Variants in NRP2 observed in about 807,000 individuals in gnomAD.
NRP2 encodes the protein neuropilin 2.
In NRP2, 52 loss-of-function variants were observed where a neutral mutation model predicts 110.4. The ratio of observed to expected loss-of-function variants is 0.47; its 90% CI spans 0.38 to 0.59. NRP2 has a LOEUF of 0.59. NRP2 is among the 20% of genes least tolerant of loss of function. The pLI is 0.00. For synonymous variants in NRP2, 508 were observed against 468.9 expected, an observed-to-expected ratio of 1.08 and a Z score of -1.08; for missense variants, 1,049 against 1,203.0, an observed-to-expected ratio of 0.87 and a Z score of 1.89.
chr2:205,719,343 G>A (rs2056965744), intron 3 of NRP2, among the ~76,000 whole-genome samples: 1 of 152,166 alleles, frequency 6.6e-6, no homozygotes, highest in Non-Finnish European at 1.5e-5. Flanking sequence ...GAAGGTTCAT[G>A]TCTGCCCTAA....
chr2:205,772,844 A>G (rs2058043155), intron 15 of NRP2, among the ~76,000 whole-genome samples: 1 of 152,272 alleles, frequency 6.6e-6, no homozygotes, highest in South Asian at 2.1e-4. Context: ...ATCTGCCTAA[A>G]GTGGGCACCT....
chr2:205,696,984 C>T (rs1028700081), intron 1 of NRP2, among the ~76,000 whole-genome samples: 3 of 152,080 alleles, frequency 2.0e-5, no homozygotes, highest in African/African-American at 7.2e-5. Flanking sequence ...CCCTCCAGGG[C>T]CTGTTCTGGC....
In NRP2 at chr2:205,725,333, G is replaced by A. The variant is rs771674622; in HGVS notation, c.821-580G>A. On this transcript the variant is annotated intron_variant, in intron 5 of 16. Transcript: ENST00000357785. This position sits in a 1 kb window ranked among gnomAD's most constrained non-coding sequence, Gnocchi z 4.1. ...AACTGACAGCACAGGGCCAGAGTAAGTGACTTCTGGGTCTATTTGTCCAGA... is the reference window on the plus strand; with the variant it reads ...AACTGACAGCACAGGGCCAGAGTAAATGACTTCTGGGTCTATTTGTCCAGA... Among the ~76,000 whole-genome samples the A allele has an allele frequency of 2.0e-5, 3 of 152,244 alleles. No individual in the cohort carries two copies. The highest frequency in any genetic ancestry group is 6.5e-5 in the Admixed American group (1 of 15,288).
At chr2:205,779,046 C>G (rs1390519327) in intron 15 of NRP2, 1 of 152,238 alleles carries the variant, frequency 6.6e-6, no homozygotes, top group Non-Finnish European at 1.5e-5. Context: ...AAGGGTCATT[C>G]TCTTCTAAGA....
At chr2:205,690,398 G>A (rs966125076) in intron 1 of NRP2, among the ~76,000 whole-genome samples, 15 of 152,104 alleles carry the variant, frequency 9.9e-5, no homozygotes, top group Non-Finnish European at 1.9e-4. Context: ...GGGGGTTGGA[G>A]TGAAGGGGAC....
chr2:205,746,166 C>T (rs1030329101), intron 10 of NRP2, among the ~76,000 whole-genome samples: 2 of 152,200 alleles, frequency 1.3e-5, no homozygotes, highest in African/African-American at 4.8e-5. Context: ...ACCACCCACC[C>T]AAATTCAATT....
intron 15 of NRP2, among the ~76,000 whole-genome samples, chr2:205,784,150 A>G (rs1201912712): frequency 6.6e-6 from 1 of 152,178 alleles, no homozygotes; most frequent in Non-Finnish European, 1.5e-5. Context: ...GCTTTCAGCA[A>G]TACCAGTTTC....
At position 205,686,859 on chromosome 2, in the gene NRP2, C is replaced by T. The variant is rs889468871; in HGVS notation, c.73+3496C>T. Among the ~76,000 whole-genome samples the T allele has an allele frequency of 6.6e-6, 1 of 152,200 alleles. No individual in the cohort carries two copies. Among genetic ancestry groups the T allele is most frequent in the Admixed American group, 6.5e-5 (1 of 15,284 alleles). ...TTCGGTTTCAGACAGAGAGGAGAGC[C>T]CCCTGGCGCTAGCCATTCCCGATCA... On this transcript the variant is annotated intron_variant, in intron 1 of 16. Coordinates refer to ENST00000357785, the MANE Select transcript of NRP2 (RefSeq NM_003872.3). The surrounding 1 kb of genome is among the most constrained non-coding windows in gnomAD (Gnocchi z 4.7).
At chr2:205,794,660 T>C in intron 16 of NRP2, 94 bp from the exon 17 acceptor site, 1 of 1,265,568 alleles carries the variant, frequency 7.9e-7, no homozygotes, top group Non-Finnish European at 1.1e-6. Context: ...TGCTAACTAC[T>C]GTGCTCTGAA....
At chr2:205,732,117 G>C (rs1022611083) in intron 7 of NRP2, among the ~76,000 whole-genome samples, 2 of 152,154 alleles carry the variant, frequency 1.3e-5, no homozygotes, top group African/African-American at 4.8e-5. Flanking sequence ...AGGACTGAGA[G>C]GTACACATTT....
At chr2:205,739,541 G>A (rs1209050887) in intron 7 of NRP2, among the ~76,000 whole-genome samples, 1 of 152,146 alleles carries the variant, frequency 6.6e-6, no homozygotes, top group Non-Finnish European at 1.5e-5. Context: ...TGCAGAGTTG[G>A]CTGTAAGTAG....
chr2:205,688,827 A>AGGAGTT (rs2056237204), intron 1 of NRP2, among the ~76,000 whole-genome samples: 1 of 150,508 alleles, frequency 6.6e-6, no homozygotes, highest in African/African-American at 2.4e-5. Context: ...GGAGAGAAAT[A>AGGAGTT]GGAGTTGGCA....
chr2:205,716,251 C>T lies in NRP2; in HGVS notation c.310C>T (p.His104Tyr). Reference protein sequence around the residue: ...DSESADLLGKHCGNIAPPTII... With the variant: ...DSESADLLGKYCGNIAPPTII... ...TGAATCCGCAGACCTCCTGGGCAAA[C>T]ACTGTGGGAACATCGCCCCGCCCAC... Residue 104 changes from histidine to tyrosine, a missense_variant, in exon 3 of 17, where the codon CAC (histidine) becomes TAC (tyrosine). By Grantham distance (83) the His-to-Tyr change is moderately conservative. Coordinates refer to ENST00000357785, the MANE Select transcript of NRP2 (RefSeq NM_003872.3). 1 of 1,614,196 alleles carries T rather than the reference C, an allele frequency of 6.2e-7. No homozygotes were observed. The highest frequency in any genetic ancestry group is 8.5e-7 in the Non-Finnish European group (1 of 1,180,044).
rs1275674338 is a variant in NRP2, at chr2:205,747,857, G to A, written c.1787-1868G>A. On this transcript the variant is annotated intron_variant, in intron 10 of 16. Transcript: ENST00000357785. The stretch of plus-strand genomic sequence containing the variant: ...TCCCAACATGCCCCAAATTACACTG[G>A]TGATGGTCAGTGACAGGTTTCTTAT... Among the ~76,000 whole-genome samples, 5 of 152,054 alleles carry A rather than the reference G, an allele frequency of 3.3e-5. No homozygotes were observed. The East Asian group carries it at 5.8e-4, about 18-fold the overall frequency.
At position 205,763,709 on chromosome 2, in the gene NRP2, C is replaced by T; in HGVS notation, c.2080C>T (p.Gln694Ter). The change falls in exon 13 of 17, where the codon CAG (glutamine) becomes TAG (stop). Residue 694 changes from glutamine to a stop codon, truncating the protein, a stop_gained. Coordinates refer to ENST00000357785, the MANE Select transcript of NRP2 (RefSeq NM_003872.3). LOFTEE classifies it high-confidence loss of function. This position sits in a 1 kb window ranked among gnomAD's most constrained non-coding sequence, Gnocchi z 4.0. The part of the protein sequence containing the change: ...RNFLRLQSDS[Q>*]REGQYARLIS... Reference sequence around the variant, plus strand: ...TTTCTTGCGGCTGCAGAGTGACAGCCAGAGAGAGGGCCAGTATGCCCGGCT... The same window carrying T: ...TTTCTTGCGGCTGCAGAGTGACAGCTAGAGAGAGGGCCAGTATGCCCGGCT... 6.2e-7 allele frequency: 1 copy of T among 1,614,200 alleles called. No individual in the cohort carries two copies. The highest frequency in any genetic ancestry group is 8.5e-7 in the Non-Finnish European group (1 of 1,180,032).
intron 15 of NRP2, among the ~76,000 whole-genome samples, chr2:205,774,909 C>T (rs1486970444): frequency 2.0e-5 from 3 of 152,064 alleles, no homozygotes; most frequent in Non-Finnish European, 4.4e-5. Flanking sequence ...AGTTCCTCTG[C>T]TTAAGGAGCT....
At chr2:205,773,157 A>G (rs914158587) in intron 15 of NRP2, among the ~76,000 whole-genome samples, 1 of 152,172 alleles carries the variant, frequency 6.6e-6, no homozygotes, top group Non-Finnish European at 1.5e-5. Flanking sequence ...ATTAGCATAC[A>G]GCTCTCCAAG....
Position 205,746,125 on chromosome 2 carries a change from C to T in NRP2, c.1786+235C>T, listed in dbSNP as rs569869765. On this transcript the variant is annotated intron_variant, in intron 10 of 16. Transcript: ENST00000357785. ...AAGGGATCATTTCAGTTCTCCAACC[C>T]GAGTCTCTCAAAAACAAATCATAAC... 3.9e-5 allele frequency among the ~76,000 whole-genome samples: 6 copies of T among 152,250 alleles called. No individual in the cohort carries two copies. The East Asian group carries it at 9.7e-4, about 25-fold the overall frequency.
intron 7 of NRP2, among the ~76,000 whole-genome samples, chr2:205,734,078 C>T (rs1254471771): frequency 1.3e-5 from 2 of 152,118 alleles, no homozygotes; most frequent in Admixed American, 6.5e-5. Flanking sequence ...AGGATGAGAG[C>T]AGAGGTCATC....
Sources: gnomAD v4.1 joint callset for allele counts (sites outside exome capture counted in the v4.1 genomes callset) on GRCh38, gnomAD v4.1.1 for gene constraint, Gnocchi (gnomAD v3.1) non-coding constraint, MANE v1.5 for transcripts, NCBI Gene and HGNC (gene_info 2026-07-23, HGNC 2026-07-21) for gene names.